Variants in MCUR1 observed in about 807,000 individuals in gnomAD.
MCUR1 encodes MCU regulator 1.
A neutral mutation model predicts 42.0 loss-of-function variants in MCUR1; 37 were observed. That is an observed-to-expected ratio of 0.88 (90% CI 0.68 to 1.16). The LOEUF (loss-of-function observed/expected upper bound fraction) is 1.16, where lower values mean the gene tolerates loss of function less well. Ranked by LOEUF, MCUR1 falls within the 50% of genes most tolerant of loss-of-function variation. The probability of loss-of-function intolerance (pLI) is 0.00; values close to 1 mark genes in which losing one functional copy is unlikely to be tolerated. For synonymous variants in MCUR1, 229 were observed against 196.2 expected (o/e 1.17, Z -1.40); for missense variants, 469 against 468.4 (o/e 1.00, Z -0.01).
Position 13,814,514 on chromosome 6 carries a change from C to T in MCUR1, c.-85G>A, listed in dbSNP as rs888661097. The T allele has an allele frequency of 7.5e-7, 1 of 1,324,872 alleles. No homozygotes were observed. The highest frequency in any genetic ancestry group is 4.1e-5 in the Admixed American group (1 of 24,466). 82.1% of individuals were successfully genotyped at this position (1,324,872 alleles called of 1,614,324 possible). A position where few individuals can be genotyped will look rare whatever the true frequency, so the allele number is the denominator to read the frequency against. On this transcript the variant is annotated 5_prime_UTR_variant, in exon 1 of 9. Transcript: ENST00000379170. ...CGCGCGGTCCAGGCCCAGAGTCCGA[C>T]AGCGGGAGCGAGCGTGGGCCACAGC...
rs541178154 is a variant in MCUR1, at chr6:13,809,750, C to T, written c.416-2706G>A. The stretch of plus-strand genomic sequence containing the variant: ...CTCAAAAAAAAAAAAAAAAATTAGC[C>T]GAGTGTGGTGGTGTGTGCCTGTATT... On this transcript the variant is annotated intron_variant, in intron 1 of 8. Coordinates refer to ENST00000379170, the MANE Select transcript of MCUR1 (RefSeq NM_001031713.4). Among the ~76,000 whole-genome samples, 6 of 151,334 alleles carry T rather than the reference C, an allele frequency of 4.0e-5. No individual in the cohort carries two copies. In the South Asian group the frequency reaches 8.3e-4, roughly 21 times the overall value.
chr6:13,786,572 T>C lies in MCUR1; in HGVS notation c.*4237A>G, dbSNP rs1339874245. The C allele has an allele frequency of 3.3e-5, 5 of 152,190 alleles. No individual in the cohort carries two copies. The East Asian group carries it at 9.6e-4, about 29-fold the overall frequency. 9.4% of individuals were successfully genotyped at this position (152,190 alleles called of 1,614,324 possible). On this transcript the variant is annotated 3_prime_UTR_variant, in exon 9 of 9. Coordinates refer to ENST00000379170, the MANE Select transcript of MCUR1 (RefSeq NM_001031713.4). ...AGTTACTTTGTACATTATATTAAAA[T>C]TTATTTTCTATGTATACCCAAATTT...
intron 2 of MCUR1, among the ~76,000 whole-genome samples, chr6:13,804,609 C>A (rs1584988174): frequency 6.6e-6 from 1 of 151,438 alleles, no homozygotes; most frequent in Non-Finnish European, 1.5e-5. Flanking sequence ...CCCGTCTCTA[C>A]TAAAAATACA....
At position 13,789,703 on chromosome 6, in the gene MCUR1, A is replaced by G. The variant is rs1759681401; in HGVS notation, c.*1106T>C. The G allele has an allele frequency of 6.6e-6, 1 of 152,256 alleles. No individual in the cohort carries two copies. The highest frequency in any genetic ancestry group is 1.5e-5 in the Non-Finnish European group (1 of 68,048). The allele number at this position is 152,256 out of a possible 1,614,324, so 9.4% of individuals were successfully genotyped here. On this transcript the variant is annotated 3_prime_UTR_variant, in exon 9 of 9. Transcript: ENST00000379170. ...AAGTAAATGAAGACCGGAAGGAAGC[A>G]GACTTTGTCCTGCAAACTGAAGCAA...
chr6:13,792,665 A>G (rs1030338730), intron 7 of MCUR1, among the ~76,000 whole-genome samples: 1 of 152,218 alleles, frequency 6.6e-6, no homozygotes, highest in Non-Finnish European at 1.5e-5. Context: ...AGGGGGTTGT[A>G]GAACTGCATT....
intron 1 of MCUR1, among the ~76,000 whole-genome samples, chr6:13,808,718 T>C (rs1484709347): frequency 6.6e-6 from 1 of 152,198 alleles, no homozygotes; most frequent in Non-Finnish European, 1.5e-5. Flanking sequence ...TTCAGCTTCA[T>C]TCTTCTCCAT....
Position 13,787,035 on chromosome 6 carries a change from A to G in MCUR1, c.*3774T>C, listed in dbSNP as rs1231255501. ...TCAAAGTTTTCTAGATATGAATTCT[A>G]TATACCATCTCTATATTTGTTTAGA... On this transcript the variant is annotated 3_prime_UTR_variant, in exon 9 of 9. Coordinates refer to ENST00000379170, the MANE Select transcript of MCUR1 (RefSeq NM_001031713.4). 2 of 152,220 alleles carry G rather than the reference A, an allele frequency of 1.3e-5. No individual in the cohort carries two copies. Among genetic ancestry groups the G allele is most frequent in the Admixed American group, 1.3e-4 (2 of 15,280 alleles). The allele number at this position is 152,220 out of a possible 1,614,324, so 9.4% of individuals were successfully genotyped here.
intron 8 of MCUR1, 101 bp from the exon 9 acceptor site, chr6:13,790,965 T>TA (rs1291215794): frequency 3.5e-6 from 3 of 846,372 alleles, no homozygotes; most frequent in Admixed American, 2.5e-5. Context: ...CCTAGAAACT[T>TA]AGATTGCTCA....
intron 1 of MCUR1, 132 bp downstream of exon 1, chr6:13,813,883 G>A: frequency 2.0e-6 from 2 of 995,406 alleles, no homozygotes; most frequent in Admixed American, 4.4e-5. Context: ...GCTCCGGGCA[G>A]ATGCCGGTGG....
chr6:13,801,865 C>G (rs979362938), intron 3 of MCUR1, among the ~76,000 whole-genome samples: 1 of 151,816 alleles, frequency 6.6e-6, no homozygotes, highest in South Asian at 2.1e-4. Flanking sequence ...AAAGACCCCC[C>G]CAAAACACAA....
chr6:13,796,291 CTT>C (rs369077522), intron 6 of MCUR1, among the ~76,000 whole-genome samples: 30 of 139,150 alleles, frequency 2.2e-4, no homozygotes, highest in Non-Finnish European at 2.2e-4. Context: ...TTTTTCTTTT[CTT>C]TTTTTTTTTT....
intron 6 of MCUR1, among the ~76,000 whole-genome samples, chr6:13,796,505 C>T (rs1759860236): frequency 1.3e-5 from 2 of 152,006 alleles, no homozygotes; most frequent in Non-Finnish European, 2.9e-5. Flanking sequence ...AGGCTGGCCT[C>T]GAACTCCTGA....
At chr6:13,811,988 G>A (rs951849586) in intron 1 of MCUR1, among the ~76,000 whole-genome samples, 2 of 152,114 alleles carry the variant, frequency 1.3e-5, no homozygotes, top group Non-Finnish European at 2.9e-5. Context: ...TCCAACCCCT[G>A]ATGAGGGAAG....
intron 3 of MCUR1, 34 bp from the exon 4 acceptor site, chr6:13,801,423 C>A: frequency 1.3e-6 from 2 of 1,487,232 alleles, no homozygotes; most frequent in South Asian, 2.3e-5. Context: ...ATAATCTAGT[C>A]TACCCTAAAA....
rs1386613936 is a variant in MCUR1, at chr6:13,788,215, C to CA, written c.*2593dup. The CA allele has an allele frequency of 6.6e-6, 1 of 152,150 alleles. No homozygotes were observed. The highest frequency in any genetic ancestry group is 1.9e-4 in the East Asian group (1 of 5,192). 9.4% of individuals were successfully genotyped at this position (152,150 alleles called of 1,614,324 possible). A position where few individuals can be genotyped will look rare whatever the true frequency, so the allele number is the denominator to read the frequency against. ...GTTTTAATATTACGTCTAGTCGGCT[C>CA]ACGGGTGCTTGAGCCAGAAGTGGGA... On this transcript the variant is annotated 3_prime_UTR_variant, in exon 9 of 9. Transcript: ENST00000379170.
intron 6 of MCUR1, among the ~76,000 whole-genome samples, 158 bp from the exon 7 acceptor site, chr6:13,794,105 T>A (rs1249915563): frequency 7.2e-5 from 11 of 151,900 alleles, no homozygotes; most frequent in Admixed American, 7.2e-4. Flanking sequence ...TTATATGTGT[T>A]ACTTGAGGTT....
chr6:13,801,823 A>C (rs1298118782), intron 3 of MCUR1, among the ~76,000 whole-genome samples: 2 of 152,192 alleles, frequency 1.3e-5, no homozygotes, highest in Non-Finnish European at 2.9e-5. Flanking sequence ...ACTGCACTCC[A>C]GCCTGGGCAA....
At position 13,814,399 on chromosome 6, in the gene MCUR1, T is replaced by C; in HGVS notation, c.31A>G (p.Thr11Ala). The C allele has an allele frequency of 6.5e-7, 1 of 1,537,894 alleles. No individual in the cohort carries two copies. Among genetic ancestry groups the C allele is most frequent in the Non-Finnish European group, 8.7e-7 (1 of 1,152,752 alleles). The change falls in exon 1 of 9, where the codon ACC (threonine) becomes GCC (alanine). Residue 11 changes from threonine (T) to alanine (A), a missense_variant. By Grantham distance (58) the Thr-to-Ala change is moderately conservative. Coordinates refer to ENST00000379170, the MANE Select transcript of MCUR1 (RefSeq NM_001031713.4). ...CGCTGGCGGCCGGGCAGGCGCTGGG[T>C]CCTCTGGCCGCCGACCGAGCCGCAG... MDCGSVGGQRTQRLPGRQRLL... is the reference protein window; with the variant it reads MDCGSVGGQRAQRLPGRQRLL...
At chr6:13,796,164 T>C (rs202191994) in intron 6 of MCUR1, among the ~76,000 whole-genome samples, 1 of 152,214 alleles carries the variant, frequency 6.6e-6, no homozygotes, top group East Asian at 1.9e-4. Flanking sequence ...TGCTGCATTA[T>C]CAAGTCTGCA....
Sources: allele counts gnomAD v4.1 joint callset (sites outside exome capture counted in the v4.1 genomes callset), GRCh38; gene constraint gnomAD v4.1.1; transcripts MANE v1.5; gene names NCBI Gene and HGNC (gene_info 2026-07-23, HGNC 2026-07-21).